NSD3: variants seen among roughly 807,000 people sequenced by gnomAD.
The protein encoded by NSD3 is histone-lysine N-methyltransferase NSD3.
In NSD3, 24 loss-of-function variants were observed where a neutral mutation model predicts 160.8. The observed-to-expected ratio is 0.15, with a 90% CI of 0.11 to 0.21. NSD3 has a LOEUF of 0.21. NSD3 is among the 10% of genes least tolerant of loss of function. The pLI is 1.00. For synonymous variants in NSD3, 520 were observed against 600.0 expected (o/e 0.87, Z 1.95); for missense variants, 1,157 against 1,735.9 (o/e 0.67, Z 5.93).
At chr8:38,311,076 CTT>C (rs34628829) in intron 12 of NSD3, among the ~76,000 whole-genome samples, 18 of 132,764 alleles carry the variant, frequency 1.4e-4, no homozygotes, top group Admixed American at 2.3e-4. Context: ...TCCCTGATTA[CTT>C]TTTTTTTTTT....
In NSD3 at chr8:38,299,371, T is replaced by C. The variant is rs1205782737; in HGVS notation, c.2758+73A>G. The C allele has an allele frequency of 3.3e-6, 5 of 1,498,306 alleles. No individual in the cohort carries two copies. In the African/African-American group the frequency reaches 7.0e-5, roughly 21 times the overall value. 92.8% of individuals were successfully genotyped at this position (1,498,306 alleles called of 1,614,324 possible). The stretch of plus-strand genomic sequence containing the variant: ...AGATGGTGCTTGACAGGCATACATT[T>C]CCCCCCTATATTGAAAGAGAAAAAA... On this transcript the variant is annotated intron_variant, in intron 15 of 23. Coordinates refer to ENST00000317025, the MANE Select transcript of NSD3 (RefSeq NM_023034.2).
intron 1 of NSD3, among the ~76,000 whole-genome samples, chr8:38,369,960 A>AT (rs1811202124): frequency 6.6e-6 from 1 of 151,902 alleles, no homozygotes; most frequent in Admixed American, 6.6e-5. Context: ...ACACTGGCTA[A>AT]TTTTTGTATT....
In NSD3 at chr8:38,278,425, A is replaced by C; in HGVS notation, c.3761-13T>G. ...GTTAACTCCATCCCTGAAACACAGGAGAAATAATTATTCAAACTCGAGTCA... is the reference window on the plus strand; with the variant it reads ...GTTAACTCCATCCCTGAAACACAGGCGAAATAATTATTCAAACTCGAGTCA... On this transcript the variant is annotated splice_polypyrimidine_tract_variant and intron_variant, in intron 21 of 23. Transcript: ENST00000317025. The C allele has an allele frequency of 6.2e-7, 1 of 1,601,142 alleles. No individual in the cohort carries two copies. The highest frequency in any genetic ancestry group is 8.5e-7 in the Non-Finnish European group (1 of 1,172,204).
chr8:38,375,905 T>C (rs1485261266), intron 1 of NSD3, among the ~76,000 whole-genome samples: 1 of 152,074 alleles, frequency 6.6e-6, no homozygotes, highest in Non-Finnish European at 1.5e-5. Flanking sequence ...TTTAACAATT[T>C]TAATTTCTGA....
At chr8:38,293,323 C>T (rs748312507) in intron 16 of NSD3, among the ~76,000 whole-genome samples, 65 of 149,590 alleles carry the variant, frequency 4.3e-4, no homozygotes, top group Non-Finnish European at 8.6e-4. Context: ...AGGCTGAGGC[C>T]GGTGGATCAG....
intron 19 of NSD3, 50 bp from the exon 20 acceptor site, chr8:38,281,633 G>C: frequency 7.7e-7 from 1 of 1,296,156 alleles, no homozygotes; most frequent in Non-Finnish European, 1.1e-6. Flanking sequence ...ATTATATAAA[G>C]CATTGCTTAA....
chr8:38,278,037 C>G lies in NSD3; in HGVS notation c.3867+269G>C, dbSNP rs555015067. On this transcript the variant is annotated intron_variant, in intron 22 of 23. Transcript: ENST00000317025. ...CACTGCAAGCTCCGCATCCCGGGTT[C>G]ACGCCATTCTCCTGCCTCAGCCTCC... 1.5e-4 allele frequency among the ~76,000 whole-genome samples: 23 copies of G among 151,682 alleles called. No homozygotes were observed. In the South Asian group the frequency reaches 2.1e-3, roughly 14 times the overall value.
intron 7 of NSD3, 67 bp downstream of exon 7, chr8:38,326,663 A>G (rs555472664): frequency 7.2e-7 from 1 of 1,384,924 alleles, no homozygotes. Context: ...CACAGCTACC[A>G]CATTATAGCA....
intron 12 of NSD3, among the ~76,000 whole-genome samples, chr8:38,309,704 AAT>A (rs1809489751): frequency 1.3e-5 from 2 of 152,194 alleles, no homozygotes; most frequent in African/African-American, 4.8e-5. Context: ...GGAAAAACAG[AAT>A]AAGTAAAACT....
At chr8:38,377,237 G>C (rs1811416209) in intron 1 of NSD3, among the ~76,000 whole-genome samples, 1 of 144,006 alleles carries the variant, frequency 6.9e-6, no homozygotes, top group Non-Finnish European at 1.6e-5. Flanking sequence ...ATTTTTAGTA[G>C]AGACGGGAGT....
intron 1 of NSD3, among the ~76,000 whole-genome samples, chr8:38,361,819 A>G (rs1205281859): frequency 2.0e-5 from 3 of 151,286 alleles, no homozygotes; most frequent in Admixed American, 6.6e-5. Flanking sequence ...AAAGGAAAAT[A>G]TCCAGGGTTG....
intron 14 of NSD3, among the ~76,000 whole-genome samples, chr8:38,300,434 T>C (rs1261717416): frequency 6.6e-6 from 1 of 152,128 alleles, no homozygotes; most frequent in Non-Finnish European, 1.5e-5. Flanking sequence ...TTCCAAAATG[T>C]TGGGATTACA....
chr8:38,307,188 C>T (rs1310892435), intron 12 of NSD3, among the ~76,000 whole-genome samples: 1 of 149,736 alleles, frequency 6.7e-6, no homozygotes. Flanking sequence ...TTTGATAATA[C>T]CAATTATTAT....
At chr8:38,337,529 C>G in intron 3 of NSD3, 62 bp from the exon 4 acceptor site, 1 of 1,339,630 alleles carries the variant, frequency 7.5e-7, no homozygotes, top group Non-Finnish European at 9.8e-7. Context: ...GTATAAAGTA[C>G]ATTAAAAATG....
At position 38,274,740 on chromosome 8, in the gene NSD3, A is replaced by C. The variant is rs946501555; in HGVS notation, c.*901T>G. On this transcript the variant is annotated 3_prime_UTR_variant, in exon 24 of 24. Transcript: ENST00000317025. ...AAATTGGACAGAAAATGGTGCTTATATGATCCAAATTTTGGTTTATGCCTT... is the reference window on the plus strand; with the variant it reads ...AAATTGGACAGAAAATGGTGCTTATCTGATCCAAATTTTGGTTTATGCCTT... 1 of 156,534 alleles carries C rather than the reference A, an allele frequency of 6.4e-6. No individual in the cohort carries two copies. Among genetic ancestry groups the C allele is most frequent in the Non-Finnish European group, 1.4e-5 (1 of 70,490 alleles). 9.7% of individuals were successfully genotyped at this position (156,534 alleles called of 1,614,324 possible).
intron 1 of NSD3, among the ~76,000 whole-genome samples, chr8:38,352,023 A>T (rs976358665): frequency 7.0e-5 from 10 of 142,908 alleles, no homozygotes; most frequent in African/African-American, 1.0e-4. Flanking sequence ...AAGTATAATT[A>T]AAAAAAAAAA....
At chr8:38,370,380 ATTTTTTT>A (rs550018393) in intron 1 of NSD3, among the ~76,000 whole-genome samples, 2 of 137,414 alleles carry the variant, frequency 1.5e-5, no homozygotes, top group South Asian at 2.3e-4. Flanking sequence ...GTCCAGGAGA[ATTTTTTT>A]TTTTTTTTTT....
At chr8:38,292,831 G>T (rs1371679192) in intron 16 of NSD3, among the ~76,000 whole-genome samples, 1 of 151,704 alleles carries the variant, frequency 6.6e-6, no homozygotes, top group Non-Finnish European at 1.5e-5. Context: ...GATTAGCCAG[G>T]CATCATGGCA....
intron 20 of NSD3, chr8:38,280,074 G>A (rs1808697023): frequency 1.2e-5 from 2 of 166,230 alleles, no homozygotes; most frequent in African/African-American, 2.4e-5. Flanking sequence ...AGCAAAACTA[G>A]TATAGGAGGG....
Sources: allele counts gnomAD v4.1 joint callset (sites outside exome capture counted in the v4.1 genomes callset), GRCh38; gene constraint gnomAD v4.1.1; transcripts MANE v1.5; gene names NCBI Gene and HGNC (gene_info 2026-07-23, HGNC 2026-07-21).